C8A: variants seen among roughly 807,000 people sequenced by gnomAD.
C8A encodes the protein complement C8 alpha chain.
In C8A, 67 loss-of-function variants were observed where a neutral mutation model predicts 65.3. The observed-to-expected ratio is 1.03, with a 90% CI of 0.84 to 1.26. The LOEUF (loss-of-function observed/expected upper bound fraction) is 1.26. Among genes scored for constraint, C8A ranks in the 50% most tolerant of loss-of-function variants. The pLI, the probability that C8A is intolerant of heterozygous loss-of-function variation, is 0.00. For missense variants in C8A, 781 were observed against 723.9 expected, an observed-to-expected ratio of 1.08 and a Z score of -0.90; for synonymous variants, 290 against 259.4, an observed-to-expected ratio of 1.12 and a Z score of -1.13.
At chr1:56,887,899 C>T (rs926116905) in intron 7 of C8A, among the ~76,000 whole-genome samples, 1 of 152,088 alleles carries the variant, frequency 6.6e-6, no homozygotes, top group Non-Finnish European at 1.5e-5. Flanking sequence ...AACCAAACAC[C>T]ACAGGTTCTC....
At position 56,917,656 on chromosome 1, in the gene C8A, A is replaced by C; in HGVS notation, c.1695A>C (p.Pro565=). 6.2e-7 allele frequency: 1 copy of C among 1,614,248 alleles called. No individual in the cohort carries two copies. The highest frequency in any genetic ancestry group is 2.2e-5 in the East Asian group (1 of 44,874). Residue 565 remains proline (P), a synonymous_variant, in exon 11 of 11, where the codon CCA becomes CCC. Transcript: ENST00000361249. ...AAAGGAGAAGAGAGTGTGACAATCC[A>C]GCACCTCAGAATGGAGGGGCCTCGT... The part of the protein sequence containing the change: ...IQERRRECDN[P]APQNGGASCP...
intron 9 of C8A, among the ~76,000 whole-genome samples, chr1:56,910,808 C>T (rs1644499423): frequency 6.6e-6 from 1 of 152,162 alleles, no homozygotes; most frequent in Non-Finnish European, 1.5e-5. Context: ...ATTGCCAGTG[C>T]CCTCAGTTGA....
At chr1:56,892,416 A>G (rs565168705) in intron 7 of C8A, among the ~76,000 whole-genome samples, 3 of 152,262 alleles carry the variant, frequency 2.0e-5, no homozygotes, top group Non-Finnish European at 2.9e-5. Context: ...CAAAAAAGTC[A>G]TATCACTAGT....
Position 56,858,785 on chromosome 1 carries a change from C to A in C8A, c.77+3807C>A, listed in dbSNP as rs144700714. Among the ~76,000 whole-genome samples, 1,069 of 152,320 alleles carry A rather than the reference C, an allele frequency of 7.0e-3. 9 individuals carry two copies. Among genetic ancestry groups the A allele is most frequent in the African/African-American group, 0.018 (731 of 41,572 alleles). ...ATATGGAAACTGTTATTCAGGGTAA[C>A]TAATCTTTAGCAATACTTCAGGTGG... On this transcript the variant is annotated intron_variant, in intron 1 of 10. Coordinates refer to ENST00000361249, the MANE Select transcript of C8A (RefSeq NM_000562.3).
intron 1 of C8A, among the ~76,000 whole-genome samples, chr1:56,860,224 G>A (rs997848727): frequency 7.2e-5 from 11 of 152,240 alleles, no homozygotes; most frequent in Admixed American, 5.2e-4. Flanking sequence ...GTGAGAAGCC[G>A]GGTGAAGAGC....
At chr1:56,889,031 T>G (rs983496278) in intron 7 of C8A, among the ~76,000 whole-genome samples, 1 of 152,156 alleles carries the variant, frequency 6.6e-6, no homozygotes, top group Non-Finnish European at 1.5e-5. Context: ...GGGTATCTGG[T>G]GGCCCCTCCT....
chr1:56,906,573 C>G, intron 7 of C8A, 94 bp from the exon 8 acceptor site: 4 of 1,498,908 alleles, frequency 2.7e-6, no homozygotes, highest in Non-Finnish European at 3.7e-6. Context: ...GACTCCAAAG[C>G]TGAAGCTAGC....
intron 1 of C8A, among the ~76,000 whole-genome samples, chr1:56,862,511 G>T (rs1480818080): frequency 1.3e-5 from 2 of 152,142 alleles, no homozygotes; most frequent in Non-Finnish European, 2.9e-5. Flanking sequence ...TCATCCAAAT[G>T]TATTTGACCA....
chr1:56,874,911 G>T (rs1644182988), intron 2 of C8A, 38 bp from the exon 3 acceptor site: 2 of 1,611,272 alleles, frequency 1.2e-6, no homozygotes, highest in African/African-American at 1.3e-5. Flanking sequence ...TTGATTGATT[G>T]GTTGACAAGA....
At chr1:56,885,467 T>C (rs1360505998) in intron 6 of C8A, among the ~76,000 whole-genome samples, 1 of 140,582 alleles carries the variant, frequency 7.1e-6, no homozygotes, top group Non-Finnish European at 1.5e-5. Flanking sequence ...TCCGTAAATA[T>C]ATATTTATTT....
intron 7 of C8A, among the ~76,000 whole-genome samples, chr1:56,897,034 AAC>A (rs1412427018): frequency 6.6e-6 from 1 of 152,194 alleles, no homozygotes; most frequent in African/African-American, 2.4e-5. Context: ...CGAGGTTTGA[AAC>A]CAGCTTTCTA....
At chr1:56,888,244 C>T (rs1047521810) in intron 7 of C8A, among the ~76,000 whole-genome samples, 5 of 152,088 alleles carry the variant, frequency 3.3e-5, no homozygotes. Flanking sequence ...GGGGTTAATA[C>T]ATAGTGTTCA....
chr1:56,905,242 GC>G (rs1644454427), intron 7 of C8A, among the ~76,000 whole-genome samples: 1 of 152,154 alleles, frequency 6.6e-6, no homozygotes, highest in African/African-American at 2.4e-5. Context: ...ATCCAAAGAG[GC>G]ACAGAGGGCT....
At chr1:56,885,533 C>G (rs1002427938) in intron 6 of C8A, among the ~76,000 whole-genome samples, 6 of 143,720 alleles carry the variant, frequency 4.2e-5, no homozygotes, top group African/African-American at 1.5e-4. Flanking sequence ...TAAAAGCTGA[C>G]CTTTTGCATC....
At chr1:56,904,859 T>C (rs551110779) in intron 7 of C8A, among the ~76,000 whole-genome samples, 4 of 152,278 alleles carry the variant, frequency 2.6e-5, no homozygotes, top group Admixed American at 2.0e-4. Context: ...ACTGGAATTC[T>C]CTTCTCCCAG....
chr1:56,865,778 A>C (rs1644079959), intron 1 of C8A, among the ~76,000 whole-genome samples: 1 of 152,220 alleles, frequency 6.6e-6, no homozygotes, highest in Non-Finnish European at 1.5e-5. Flanking sequence ...AATTTGGGGA[A>C]ACATATCCAC....
At chr1:56,865,828 T>G in intron 1 of C8A, among the ~76,000 whole-genome samples, 1 of 152,300 alleles carries the variant, frequency 6.6e-6, no homozygotes. Context: ...TATTAACAGG[T>G]TTGATGTTTA....
At chr1:56,873,877 C>A (rs1644171728) in intron 2 of C8A, among the ~76,000 whole-genome samples, 1 of 152,200 alleles carries the variant, frequency 6.6e-6, no homozygotes, top group Admixed American at 6.5e-5. Flanking sequence ...CCTCATGTTT[C>A]TCTGGATATC....
chr1:56,885,447 T>C lies in C8A; in HGVS notation c.856-480T>C, dbSNP rs534814027. On this transcript the variant is annotated intron_variant, in intron 6 of 10. Transcript: ENST00000361249. The stretch of plus-strand genomic sequence containing the variant: ...ATTTAAATATATATTTAAGTAAATA[T>C]ATATATATTTCCGTAAATATATATT... 7.9e-5 allele frequency among the ~76,000 whole-genome samples: 7 copies of C among 89,000 alleles called. 1 individual carries two copies. The South Asian group carries it at 1.3e-3, about 17-fold the overall frequency. The allele number at this position is 89,000 out of a possible 152,430, so 58.4% of individuals were successfully genotyped here. A position where few individuals can be genotyped will look rare whatever the true frequency, so the allele number is the denominator to read the frequency against.
Sources: allele counts gnomAD v4.1 joint callset (sites outside exome capture counted in the v4.1 genomes callset), GRCh38; gene constraint gnomAD v4.1.1; transcripts MANE v1.5; gene names NCBI Gene and HGNC (gene_info 2026-07-23, HGNC 2026-07-21).